Variants in PEAK1 observed in about 807,000 individuals in gnomAD.
The protein encoded by PEAK1 is pseudopodium enriched atypical kinase 1.
In PEAK1, 54 loss-of-function variants were observed where a neutral mutation model predicts 124.7. That is an observed-to-expected ratio of 0.43 (90% confidence interval 0.35 to 0.54). The LOEUF is 0.54. Ranked by LOEUF, PEAK1 falls within the 20% of genes least tolerant of loss-of-function variation. The probability of loss-of-function intolerance (pLI) is 0.01; values close to 1 mark genes in which losing one functional copy is unlikely to be tolerated. For synonymous variants in PEAK1, 719 were observed against 760.0 expected, an observed-to-expected ratio of 0.95 and a Z score of 0.89; for missense variants, 2,046 against 2,134.5, an observed-to-expected ratio of 0.96 and a Z score of 0.82.
chr15:77,116,729 TA>T (rs2051419587), intron 9 of PEAK1, among the ~76,000 whole-genome samples: 1 of 151,974 alleles, frequency 6.6e-6, no homozygotes, highest in Non-Finnish European at 1.5e-5. Context: ...TCTATCTATC[TA>T]TCTATCTATC....
chr15:77,305,370 T>C (rs2064038628), intron 2 of PEAK1, among the ~76,000 whole-genome samples: 1 of 152,196 alleles, frequency 6.6e-6, no homozygotes, highest in African/African-American at 2.4e-5. Context: ...TTAAGTCATT[T>C]GATAAAATTT....
At chr15:77,408,038 C>T (rs2072023944) in intron 1 of PEAK1, among the ~76,000 whole-genome samples, 1 of 150,760 alleles carries the variant, frequency 6.6e-6, no homozygotes, top group Non-Finnish European at 1.5e-5. Flanking sequence ...CACATATATA[C>T]ATATATACAC....
At chr15:77,333,051 T>C (rs2141256618) in intron 2 of PEAK1, 29 of 977,366 alleles carry the variant, frequency 3.0e-5, no homozygotes, top group Non-Finnish European at 3.4e-5. Flanking sequence ...TAAATTTTTA[T>C]CACATGGCAT....
intron 9 of PEAK1, among the ~76,000 whole-genome samples, chr15:77,116,632 C>G (rs1219368701): frequency 6.6e-6 from 1 of 151,508 alleles, no homozygotes; most frequent in Non-Finnish European, 1.5e-5. Flanking sequence ...TTCTCTTATT[C>G]TCTAGTTTAT....
At chr15:77,158,803 G>A in intron 7 of PEAK1, 107 bp from the exon 8 acceptor site, 1 of 1,016,776 alleles carries the variant, frequency 9.8e-7, no homozygotes, top group Non-Finnish European at 1.5e-6. Context: ...TGGTCCTATA[G>A]TCACAATACA....
At chr15:77,290,227 C>T (rs1032552376) in intron 2 of PEAK1, among the ~76,000 whole-genome samples, 2 of 152,178 alleles carry the variant, frequency 1.3e-5, no homozygotes, top group African/African-American at 2.4e-5. Context: ...CGGGTTCAAG[C>T]GATTCTCCTA....
At chr15:77,155,861 A>C (rs1385109361) in intron 8 of PEAK1, 1 of 153,362 alleles carries the variant, frequency 6.5e-6, no homozygotes, top group Non-Finnish European at 1.4e-5. Flanking sequence ...TTCCTCTGGA[A>C]GTTTTGTCTC....
At chr15:77,191,696 G>A (rs998365915) in intron 6 of PEAK1, among the ~76,000 whole-genome samples, 3 of 152,176 alleles carry the variant, frequency 2.0e-5, no homozygotes, top group South Asian at 2.1e-4. Context: ...ATAAGGTAAT[G>A]TGATACTATT....
intron 1 of PEAK1, among the ~76,000 whole-genome samples, chr15:77,382,399 C>A (rs895729034): frequency 1.3e-5 from 2 of 152,218 alleles, no homozygotes; most frequent in African/African-American, 4.8e-5. Context: ...TACTTCCATA[C>A]CTTGGCTCAT....
intron 1 of PEAK1, among the ~76,000 whole-genome samples, chr15:77,392,453 T>C (rs946381505): frequency 2.6e-5 from 4 of 152,194 alleles, no homozygotes; most frequent in African/African-American, 9.7e-5. Flanking sequence ...TACAGAGGTA[T>C]TAAGACCAAT....
intron 1 of PEAK1, among the ~76,000 whole-genome samples, chr15:77,389,933 G>A (rs2070309699): frequency 6.6e-6 from 1 of 152,168 alleles, no homozygotes; most frequent in Admixed American, 6.5e-5. Flanking sequence ...TTTCATTGCT[G>A]ATTTGAAACA....
intron 4 of PEAK1, among the ~76,000 whole-genome samples, chr15:77,284,463 T>C (rs2062821581): frequency 6.6e-6 from 1 of 152,128 alleles, no homozygotes; most frequent in Non-Finnish European, 1.5e-5. Context: ...CATGAGTCAG[T>C]AGGAAAGCTG....
chr15:77,338,418 C>G (rs1331778719), intron 2 of PEAK1, among the ~76,000 whole-genome samples: 1 of 152,102 alleles, frequency 6.6e-6, no homozygotes, highest in African/African-American at 2.4e-5. Context: ...CTCTCAGAAA[C>G]TGATGCTTAA....
chr15:77,236,329 T>G (rs1415049485), intron 6 of PEAK1, among the ~76,000 whole-genome samples: 1 of 152,228 alleles, frequency 6.6e-6, no homozygotes, highest in Non-Finnish European at 1.5e-5. Flanking sequence ...AGCCCACCTC[T>G]TGCATCAGCA....
chr15:77,314,037 G>C (rs1196726347), intron 2 of PEAK1, among the ~76,000 whole-genome samples: 1 of 152,102 alleles, frequency 6.6e-6, no homozygotes, highest in African/African-American at 2.4e-5. Flanking sequence ...GATGTGATGA[G>C]AATGGTACTT....
intron 9 of PEAK1, among the ~76,000 whole-genome samples, chr15:77,125,749 CG>C (rs1381043225): frequency 3.3e-5 from 5 of 152,212 alleles, no homozygotes; most frequent in African/African-American, 1.2e-4. Context: ...ACCTAGGCAC[CG>C]CTTGGGGTAC....
intron 6 of PEAK1, among the ~76,000 whole-genome samples, chr15:77,235,730 C>T (rs1374202119): frequency 6.6e-6 from 1 of 152,204 alleles, no homozygotes; most frequent in Non-Finnish European, 1.5e-5. Flanking sequence ...ACCTTCAAGG[C>T]AGCCCCTCTC....
At chr15:77,353,896 G>A (rs571295025) in intron 2 of PEAK1, among the ~76,000 whole-genome samples, 94 of 152,278 alleles carry the variant, frequency 6.2e-4, no homozygotes, top group Middle Eastern at 3.4e-3. Context: ...AGGTAGAGAC[G>A]AAAGCCAAAG....
intron 6 of PEAK1, among the ~76,000 whole-genome samples, chr15:77,228,990 G>A (rs1238582052): frequency 6.6e-6 from 1 of 151,958 alleles, no homozygotes; most frequent in Non-Finnish European, 1.5e-5. Context: ...GGATGTATTG[G>A]CCCTAGAAAG....
Sources: allele counts gnomAD v4.1 joint callset (sites outside exome capture counted in the v4.1 genomes callset), GRCh38; gene constraint gnomAD v4.1.1; transcripts MANE v1.5; gene names NCBI Gene and HGNC (gene_info 2026-07-23, HGNC 2026-07-21).